AUH: variants seen among roughly 807,000 people sequenced by gnomAD.
AUH encodes AU RNA binding methylglutaconyl-CoA hydratase.
A neutral mutation model predicts 42.3 loss-of-function variants in AUH; 29 were observed. That is an observed-to-expected ratio of 0.69 (90% CI 0.51 to 0.93). AUH has a LOEUF of 0.93. AUH is among the 40% of genes least tolerant of loss of function. AUH has a pLI of 0.00. For missense variants in AUH, 452 were observed against 438.1 expected, an observed-to-expected ratio of 1.03 and a Z score of -0.28; for synonymous variants, 174 against 166.4, an observed-to-expected ratio of 1.05 and a Z score of -0.35.
chr9:91,333,933 C>T (rs7870604), intron 3 of AUH, among the ~76,000 whole-genome samples: 3,831 of 152,240 alleles, frequency 0.025, 78 homozygotes, highest in East Asian at 0.066. Flanking sequence ...TCAGGAATAA[C>T]TTTCCATTGT....
rs761573002 is a variant in AUH at position 91,220,853 on chromosome 9, G to A, written c.795C>T (p.Asp265=). Residue 265 remains aspartate, a synonymous_variant, in exon 7 of 10, where the codon GAC becomes GAT. Transcript: ENST00000375731. ...SHVLEQNQEG[D]AAYRKALDLA... ...GGTCCAAGGCCTTCCTGTAGGCCGC[G>A]TCTCCCTCCTGGTTCTGTTCCAGAA... The A allele has an allele frequency of 9.2e-5, 148 of 1,614,102 alleles. 1 individual carries two copies. The highest frequency in any genetic ancestry group is 1.6e-4 in the Middle Eastern group (1 of 6,084).
At chr9:91,324,887 AT>A (rs1227845829) in intron 4 of AUH, among the ~76,000 whole-genome samples, 8 of 152,202 alleles carry the variant, frequency 5.3e-5, no homozygotes, top group African/African-American at 1.7e-4. Flanking sequence ...TAATGAAGAA[AT>A]AATATAAAAT....
intron 1 of AUH, 61 bp downstream of exon 1, chr9:91,361,567 G>A: frequency 6.5e-7 from 1 of 1,544,074 alleles, no homozygotes; most frequent in South Asian, 1.2e-5. Flanking sequence ...TGCACCTTAT[G>A]CCCGTCCTGA....
At chr9:91,225,085 C>T (rs58154704) in intron 6 of AUH, among the ~76,000 whole-genome samples, 3,693 of 152,280 alleles carry the variant, frequency 0.024, 71 homozygotes, top group East Asian at 0.058. Flanking sequence ...CTTGAAAGTA[C>T]TTAAATTTAT....
At chr9:91,293,634 T>C (rs1587793445) in intron 6 of AUH, among the ~76,000 whole-genome samples, 1 of 152,216 alleles carries the variant, frequency 6.6e-6, no homozygotes, top group East Asian at 1.9e-4. Context: ...GGCTACTTCA[T>C]GGTTAAGGAA....
chr9:91,357,846 G>A (rs1305791919), intron 1 of AUH, among the ~76,000 whole-genome samples: 1 of 152,200 alleles, frequency 6.6e-6, no homozygotes, highest in East Asian at 1.9e-4. Flanking sequence ...AAGTAAAGAG[G>A]TCAGCACAAG....
intron 3 of AUH, among the ~76,000 whole-genome samples, chr9:91,346,568 C>T (rs1368746647): frequency 6.6e-6 from 1 of 152,188 alleles, no homozygotes; most frequent in South Asian, 2.1e-4. Context: ...AATCCCATTC[C>T]TGAGACCAAT....
chr9:91,272,942 A>C (rs970819058), intron 6 of AUH, among the ~76,000 whole-genome samples: 2 of 152,226 alleles, frequency 1.3e-5, no homozygotes, highest in Admixed American at 1.3e-4. Context: ...CTTTAGCATC[A>C]ATATACATCA....
chr9:91,354,590 A>G (rs1832263264), intron 3 of AUH, among the ~76,000 whole-genome samples: 1 of 152,246 alleles, frequency 6.6e-6, no homozygotes, highest in South Asian at 2.1e-4. Context: ...ATGTAAAATA[A>G]AAAGAATTCC....
At chr9:91,215,904 T>A (rs551599763) in intron 9 of AUH, among the ~76,000 whole-genome samples, 155 bp downstream of exon 9, 1 of 152,330 alleles carries the variant, frequency 6.6e-6, no homozygotes, top group Non-Finnish European at 1.5e-5. Flanking sequence ...TAAGAGCTGG[T>A]AACAAATAGC....
At chr9:91,361,481 A>G in intron 1 of AUH, 147 bp downstream of exon 1, 1 of 1,104,996 alleles carries the variant, frequency 9.0e-7, no homozygotes, top group Non-Finnish European at 1.3e-6. Context: ...CTGGGTGAGT[A>G]GGGAGGTGAG....
At chr9:91,221,901 A>G (rs1827155683) in intron 6 of AUH, among the ~76,000 whole-genome samples, 1 of 152,188 alleles carries the variant, frequency 6.6e-6, no homozygotes, top group Admixed American at 6.5e-5. Context: ...AAAGCAGGTA[A>G]CACAGGTCTA....
At chr9:91,230,279 T>C (rs1587647609) in intron 6 of AUH, among the ~76,000 whole-genome samples, 2 of 152,160 alleles carry the variant, frequency 1.3e-5, no homozygotes, top group Admixed American at 6.5e-5. Context: ...CTCTAAACTT[T>C]CCTTCTCGCT....
chr9:91,237,874 G>C (rs972891155), intron 6 of AUH, among the ~76,000 whole-genome samples: 12 of 152,134 alleles, frequency 7.9e-5, no homozygotes, highest in Non-Finnish European at 1.8e-4. Flanking sequence ...TCATGATCAA[G>C]TTTATTTACA....
At chr9:91,240,509 C>T (rs1828453272) in intron 6 of AUH, among the ~76,000 whole-genome samples, 1 of 152,064 alleles carries the variant, frequency 6.6e-6, no homozygotes, top group Admixed American at 6.5e-5. Context: ...GAGTGAAGGC[C>T]TCCAGGTAAG....
intron 6 of AUH, among the ~76,000 whole-genome samples, chr9:91,292,146 T>C (rs1037082424): frequency 2.0e-5 from 3 of 152,130 alleles, no homozygotes; most frequent in Non-Finnish European, 1.5e-5. Flanking sequence ...CAGAAGCTCA[T>C]CTATTTTTTT....
intron 7 of AUH, among the ~76,000 whole-genome samples, chr9:91,218,359 AT>A (rs1431576989): frequency 1.3e-5 from 2 of 152,126 alleles, no homozygotes; most frequent in African/African-American, 2.4e-5. Context: ...CACCACCACC[AT>A]TTTTTTCATG....
At chr9:91,327,946 G>T (rs1255491611) in intron 3 of AUH, among the ~76,000 whole-genome samples, 2 of 152,202 alleles carry the variant, frequency 1.3e-5, no homozygotes, top group African/African-American at 4.8e-5. Flanking sequence ...CCAGCCTCAA[G>T]CTGAGTGTGG....
chr9:91,304,824 A>T (rs1828084053), intron 4 of AUH, among the ~76,000 whole-genome samples: 1 of 152,232 alleles, frequency 6.6e-6, no homozygotes, highest in Non-Finnish European at 1.5e-5. Flanking sequence ...AGCTTTCATA[A>T]GCAAGTACTG....
Sources: allele counts gnomAD v4.1 joint callset (sites outside exome capture counted in the v4.1 genomes callset), GRCh38; gene constraint gnomAD v4.1.1; transcripts MANE v1.5; gene names NCBI Gene and HGNC (gene_info 2026-07-23, HGNC 2026-07-21).